PTPRT: variants seen among roughly 807,000 people sequenced by gnomAD.
PTPRT encodes the protein protein tyrosine phosphatase receptor type T.
A neutral mutation model predicts 176.8 loss-of-function variants in PTPRT; 56 were observed. That is an observed-to-expected ratio of 0.32 (90% CI 0.26 to 0.40). The LOEUF is 0.40. Among genes scored for constraint, PTPRT ranks in the 10% least tolerant of loss-of-function variants. The pLI is 1.00. For synonymous variants in PTPRT, 783 were observed against 739.0 expected (o/e 1.06, Z -0.96); for missense variants, 1,540 against 1,908.2 (o/e 0.81, Z 3.60).
At chr20:42,714,347 G>T (rs2076192078) in intron 6 of PTPRT, among the ~76,000 whole-genome samples, 1 of 152,166 alleles carries the variant, frequency 6.6e-6, no homozygotes, top group Non-Finnish European at 1.5e-5. Flanking sequence ...TGAGTGTCCA[G>T]ATGGGGGCCA....
chr20:42,425,189 G>T (rs1469988031), intron 9 of PTPRT, among the ~76,000 whole-genome samples: 1 of 151,934 alleles, frequency 6.6e-6, no homozygotes, highest in Admixed American at 6.6e-5. Flanking sequence ...CAAAATCCTT[G>T]CCTGGAGCGT....
chr20:43,021,815 A>AAG (rs1985694603), intron 1 of PTPRT, among the ~76,000 whole-genome samples: 1 of 151,654 alleles, frequency 6.6e-6, no homozygotes, highest in Non-Finnish European at 1.5e-5. Context: ...TACAGGAAAA[A>AAG]AAAAAAAAAG....
intron 4 of PTPRT, among the ~76,000 whole-genome samples, chr20:42,775,730 C>G (rs570525889): frequency 1.3e-5 from 2 of 152,294 alleles, no homozygotes; most frequent in East Asian, 3.9e-4. Context: ...AATTGCAAAT[C>G]AGTCACTCGC....
intron 15 of PTPRT, among the ~76,000 whole-genome samples, chr20:42,220,721 T>A (rs1173749227): frequency 6.6e-6 from 1 of 152,194 alleles, no homozygotes; most frequent in Non-Finnish European, 1.5e-5. Flanking sequence ...TAAATTGGAA[T>A]AAAATTCTCT....
chr20:42,267,575 ATGGCACATTTGGGAATG>A (rs2146987454), intron 13 of PTPRT, among the ~76,000 whole-genome samples: 1 of 152,284 alleles, frequency 6.6e-6, no homozygotes, highest in South Asian at 2.1e-4. Flanking sequence ...TTTTGTCTCC[ATGGCACATTTGGGAATG>A]TCTGGAGATG....
intron 14 of PTPRT, among the ~76,000 whole-genome samples, chr20:42,245,058 G>A (rs995140842): frequency 5.9e-5 from 9 of 152,078 alleles, no homozygotes; most frequent in Non-Finnish European, 2.9e-5. Context: ...GACTTAACAT[G>A]GTACTCATGA....
chr20:42,778,054 C>A (rs2077162243), intron 4 of PTPRT, among the ~76,000 whole-genome samples: 1 of 152,180 alleles, frequency 6.6e-6, no homozygotes, highest in Admixed American at 6.5e-5. Context: ...TCAGCAATTT[C>A]ATGACCATGC....
chr20:43,100,024 G>A (rs1335636446), intron 1 of PTPRT, among the ~76,000 whole-genome samples: 1 of 152,160 alleles, frequency 6.6e-6, no homozygotes, highest in Non-Finnish European at 1.5e-5. Context: ...AGCACAATGT[G>A]TATTACATAG....
chr20:43,086,794 C>T (rs541013856), intron 1 of PTPRT, among the ~76,000 whole-genome samples: 44 of 152,138 alleles, frequency 2.9e-4, no homozygotes, highest in African/African-American at 4.3e-4. Flanking sequence ...CTGTTATAAC[C>T]GGGGGCTGGG....
intron 9 of PTPRT, among the ~76,000 whole-genome samples, chr20:42,413,241 C>T (rs558685389): frequency 6.6e-5 from 10 of 152,186 alleles, no homozygotes; most frequent in South Asian, 6.2e-4. Flanking sequence ...AATCAATAAT[C>T]ATAAAATGAA....
At chr20:43,073,739 T>C (rs932636402) in intron 1 of PTPRT, among the ~76,000 whole-genome samples, 2 of 151,944 alleles carry the variant, frequency 1.3e-5, no homozygotes, top group Non-Finnish European at 2.9e-5. Flanking sequence ...ATTGTTTGGC[T>C]GGTGGGAAGG....
chr20:42,199,434 AG>A (rs1991363319), intron 15 of PTPRT, 46 bp from the exon 16 acceptor site: 1 of 1,596,658 alleles, frequency 6.3e-7, no homozygotes. Flanking sequence ...AGATGGTGCC[AG>A]TTGCATTAAA....
chr20:42,973,309 T>C (rs1982763460), intron 1 of PTPRT, among the ~76,000 whole-genome samples: 1 of 152,028 alleles, frequency 6.6e-6, no homozygotes, highest in Admixed American at 6.6e-5. Flanking sequence ...ACCTTGAAAA[T>C]AACCAGCTCC....
At chr20:42,372,812 A>T (rs2058604510) in intron 9 of PTPRT, among the ~76,000 whole-genome samples, 1 of 152,144 alleles carries the variant, frequency 6.6e-6, no homozygotes, top group Non-Finnish European at 1.5e-5. Context: ...TGCAGCATGA[A>T]GTTTGCCATC....
intron 2 of PTPRT, among the ~76,000 whole-genome samples, chr20:42,870,867 C>T (rs947199877): frequency 4.6e-5 from 7 of 152,108 alleles, no homozygotes; most frequent in Admixed American, 1.3e-4. Flanking sequence ...TTTATAGTGG[C>T]CACCCTAATG....
chr20:43,112,406 C>T (rs1435511316), intron 1 of PTPRT, among the ~76,000 whole-genome samples: 1 of 152,062 alleles, frequency 6.6e-6, no homozygotes. Context: ...GATAATGAGA[C>T]GTACCTGCTT....
intron 1 of PTPRT, among the ~76,000 whole-genome samples, chr20:42,930,728 C>T (rs191044688): frequency 3.9e-5 from 6 of 152,218 alleles, no homozygotes; most frequent in East Asian, 1.9e-4. Flanking sequence ...GATCCTCCTG[C>T]CTCGGCCTCC....
chr20:42,304,054 T>C (rs916797611), intron 12 of PTPRT, among the ~76,000 whole-genome samples: 53 of 152,316 alleles, frequency 3.5e-4, no homozygotes, highest in African/African-American at 1.1e-3. Context: ...AGATGACACT[T>C]GATGAAAATT....
At chr20:42,422,026 T>C (rs1262398517) in intron 9 of PTPRT, among the ~76,000 whole-genome samples, 1 of 152,220 alleles carries the variant, frequency 6.6e-6, no homozygotes, top group African/African-American at 2.4e-5. Flanking sequence ...ACTAAACCTT[T>C]TCCTTACACC....
Sources: gnomAD v4.1 joint callset for allele counts (sites outside exome capture counted in the v4.1 genomes callset) on GRCh38, gnomAD v4.1.1 for gene constraint, MANE v1.5 for transcripts, NCBI Gene and HGNC (gene_info 2026-07-23, HGNC 2026-07-21) for gene names.